Variants in ERO1B observed in about 807,000 individuals in gnomAD.
The protein encoded by ERO1B is ERO1-like protein beta.
A neutral mutation model predicts 75.3 loss-of-function variants in ERO1B; 49 were observed. The observed-to-expected ratio is 0.65, with a 90% CI of 0.52 to 0.83. ERO1B has a LOEUF of 0.83. Among genes scored for constraint, ERO1B ranks in the 40% least tolerant of loss-of-function variants. ERO1B has a pLI of 0.00. For missense variants in ERO1B, 512 were observed against 560.1 expected, an observed-to-expected ratio of 0.91 and a Z score of 0.87; for synonymous variants, 191 against 192.9, an observed-to-expected ratio of 0.99 and a Z score of 0.08.
At chr1:236,252,206 G>A in intron 3 of ERO1B, 115 bp from the exon 4 acceptor site, 2 of 676,776 alleles carry the variant, frequency 3.0e-6, no homozygotes, top group South Asian at 1.8e-5. Flanking sequence ...CTCTATGAGG[G>A]GCAAATATAC....
chr1:236,221,856 A>G, intron 14 of ERO1B, 68 bp downstream of exon 14: 2 of 1,168,866 alleles, frequency 1.7e-6, no homozygotes, highest in Non-Finnish European at 2.5e-6. Flanking sequence ...CATTTTAATA[A>G]AAAGCTTGGA....
At chr1:236,252,935 G>A (rs1175121815) in intron 3 of ERO1B, among the ~76,000 whole-genome samples, 1 of 150,338 alleles carries the variant, frequency 6.7e-6, no homozygotes, top group African/African-American at 2.4e-5. Context: ...CTAAAATGTA[G>A]CATTCTCTTG....
rs1394575835 is a variant in ERO1B, at chr1:236,221,942, T to C, written c.1191A>G (p.Arg397=). ...IMDCVGCDKC[R]LWGKLQTQGL... ...CATATACCTGTAATTTTCCCCATAA[T>C]CTGCATTTGTCACATCCAACACAGT... is the stretch of plus-strand genomic sequence containing the variant. The change falls in exon 14 of 16, where the codon AGA becomes AGG. Residue 397 remains arginine (R), a synonymous_variant. Transcript: ENST00000354619. 5 of 1,613,426 alleles carry C rather than the reference T, an allele frequency of 3.1e-6. No individual in the cohort carries two copies. The Admixed American group carries it at 5.0e-5, about 16-fold the overall frequency.
chr1:236,220,008 A>G (rs1399090598), intron 15 of ERO1B, among the ~76,000 whole-genome samples: 2 of 139,866 alleles, frequency 1.4e-5, no homozygotes, highest in Non-Finnish European at 3.0e-5. Flanking sequence ...TGGATGACAG[A>G]GCGAGACCCT....
At chr1:236,238,914 T>TA (rs959886107) in intron 6 of ERO1B, among the ~76,000 whole-genome samples, 42 of 152,182 alleles carry the variant, frequency 2.8e-4, no homozygotes, top group African/African-American at 8.9e-4. Flanking sequence ...TTAAGGGAGC[T>TA]AAAAAATCAC....
At chr1:236,246,825 T>C (rs1664897178) in intron 5 of ERO1B, among the ~76,000 whole-genome samples, 1 of 152,172 alleles carries the variant, frequency 6.6e-6, no homozygotes, top group Non-Finnish European at 1.5e-5. Context: ...CTTTGTAAAG[T>C]TACATTGACC....
chr1:236,243,273 G>T, intron 6 of ERO1B, 149 bp downstream of exon 6: 1 of 504,114 alleles, frequency 2.0e-6, no homozygotes, highest in Non-Finnish European at 3.5e-6. Context: ...TGGAACACAG[G>T]CTCTCAATAA....
At chr1:236,268,321 T>C (rs540660027) in intron 2 of ERO1B, among the ~76,000 whole-genome samples, 6 of 152,214 alleles carry the variant, frequency 3.9e-5, no homozygotes, top group Admixed American at 3.9e-4. Flanking sequence ...GCGCCTGTAA[T>C]CCCAGCTACT....
chr1:236,281,521 T>C, intron 1 of ERO1B, 161 bp downstream of exon 1: 1 of 448,986 alleles, frequency 2.2e-6, no homozygotes. Context: ...TTTCCCGCAC[T>C]GGACGGTCAG....
At chr1:236,257,560 C>CAAAAAAAAAAAAAAAAAA (rs57151086) in intron 2 of ERO1B, among the ~76,000 whole-genome samples, 12 of 125,500 alleles carry the variant, frequency 9.6e-5, no homozygotes, top group East Asian at 6.9e-4. Context: ...AAATATGCTC[C>CAAAAAAAAAAAAAAAAAA]AAAAAAAAAA....
chr1:236,250,096 C>G (rs1664979776), intron 4 of ERO1B, 129 bp from the exon 5 acceptor site: 1 of 488,540 alleles, frequency 2.0e-6, no homozygotes, highest in Admixed American at 4.3e-5. Flanking sequence ...ATAAAAATCC[C>G]TATCATATGT....
intron 5 of ERO1B, among the ~76,000 whole-genome samples, chr1:236,245,341 C>T (rs10924857): frequency 2.1e-3 from 39 of 18,626 alleles, no homozygotes; most frequent in Admixed American, 3.4e-3. Context: ...TATATATATA[C>T]GTATATATAT....
At position 236,221,953 on chromosome 1, in the gene ERO1B, C is replaced by T; in HGVS notation, c.1180G>A (p.Asp394Asn). The part of the protein sequence containing the change: ...ISRIMDCVGC[D>N]KCRLWGKLQT... ...AATTTTCCCCATAATCTGCATTTGT[C>T]ACATCCAACACAGTCCATTATACGG... The change falls in exon 14 of 16, where the codon GAC becomes AAC. Residue 394 changes from aspartate (D) to asparagine (N), a missense_variant. Physicochemically the swap from Asp to Asn is conservative, Grantham distance 23. Transcript: ENST00000354619. 1 of 1,613,642 alleles carries T rather than the reference C, an allele frequency of 6.2e-7. No homozygotes were observed. Among genetic ancestry groups the T allele is most frequent in the South Asian group, 1.1e-5 (1 of 91,054 alleles).
At chr1:236,236,739 T>C (rs1664557446) in intron 6 of ERO1B, among the ~76,000 whole-genome samples, 1 of 152,182 alleles carries the variant, frequency 6.6e-6, no homozygotes, top group Non-Finnish European at 1.5e-5. Flanking sequence ...AACAGAATCA[T>C]AACCTGCTTT....
intron 13 of ERO1B, among the ~76,000 whole-genome samples, chr1:236,222,749 A>G (rs1277570365): frequency 1.3e-5 from 2 of 152,218 alleles, no homozygotes; most frequent in African/African-American, 4.8e-5. Flanking sequence ...AACAATGATC[A>G]ATTTTTGTAT....
At position 236,215,361 on chromosome 1, in the gene ERO1B, G is replaced by A. The variant is rs1206002100; in HGVS notation, c.*3155C>T. 6.6e-6 allele frequency among the ~76,000 whole-genome samples: 1 copy of A among 152,042 alleles called. No individual in the cohort carries two copies. Among genetic ancestry groups the A allele is most frequent in the Non-Finnish European group, 1.5e-5 (1 of 67,990 alleles). ...TACTAGTGCTATTGTGAAGATTAAC[G>A]GTGTATTCTTTTAAAGCCAAACTAT... is the stretch of plus-strand genomic sequence containing the variant. On this transcript the variant is annotated 3_prime_UTR_variant, in exon 16 of 16. Coordinates refer to ENST00000354619, the MANE Select transcript of ERO1B (RefSeq NM_019891.4).
chr1:236,252,218 C>T, intron 3 of ERO1B, 127 bp from the exon 4 acceptor site: 3 of 642,510 alleles, frequency 4.7e-6, no homozygotes, highest in East Asian at 5.5e-5. Flanking sequence ...CAAATATACA[C>T]TCACTCAAAT....
In ERO1B at chr1:236,236,401, GAAC is replaced by G. The variant is rs1664548568; in HGVS notation, c.506-6_506-4del. ...CTGAGCAGCTGGAGATCTCTCATCT[GAAC>G]AAGAAAAAATTCATAAAAACCATCC... On this transcript the variant is annotated splice_polypyrimidine_tract_variant and splice_region_variant and intron_variant, in intron 6 of 15. Coordinates refer to ENST00000354619, the MANE Select transcript of ERO1B (RefSeq NM_019891.4). 6.2e-7 allele frequency: 1 copy of G among 1,612,618 alleles called. No homozygotes were observed. The highest frequency in any genetic ancestry group is 1.3e-5 in the African/African-American group (1 of 74,834).
rs1491338079 is a variant in ERO1B, at chr1:236,250,618, T to TATATAG, written c.349-652_349-651insCTATAT. ...ATATATATATATATATATATATATA[T>TATATAG]CAAACGTGTGTGTGCAAACATATAT... On this transcript the variant is annotated intron_variant, in intron 4 of 15. Transcript: ENST00000354619. 2.0e-4 allele frequency among the ~76,000 whole-genome samples: 22 copies of TATATAG among 110,218 alleles called. 1 individual carries two copies. The highest frequency in any genetic ancestry group is 6.3e-4 in the South Asian group (2 of 3,168). 72.3% of individuals were successfully genotyped at this position (110,218 alleles called of 152,430 possible). A position where few individuals can be genotyped will look rare whatever the true frequency, so the allele number is the denominator to read the frequency against.
Sources: allele counts gnomAD v4.1 joint callset (sites outside exome capture counted in the v4.1 genomes callset), GRCh38; gene constraint gnomAD v4.1.1; transcripts MANE v1.5; gene names NCBI Gene and HGNC (gene_info 2026-07-23, HGNC 2026-07-21).